Variants in DOCK9 observed in about 807,000 individuals in gnomAD.
DOCK9 encodes dedicator of cytokinesis protein 9.
In DOCK9, 89 loss-of-function variants were observed where a neutral mutation model predicts 263.3. The observed-to-expected ratio is 0.34, with a 90% CI of 0.28 to 0.40. The LOEUF is 0.40. Among genes scored for constraint, DOCK9 ranks in the 10% least tolerant of loss-of-function variants. The pLI is 1.00. For missense variants in DOCK9, 2,140 were observed against 2,603.4 expected (o/e 0.82, Z 3.87); for synonymous variants, 976 against 973.1 (o/e 1.00, Z -0.06).
chr13:98,864,690 G>A (rs1390551973), intron 30 of DOCK9, among the ~76,000 whole-genome samples: 1 of 152,190 alleles, frequency 6.6e-6, no homozygotes, highest in Non-Finnish European at 1.5e-5. Flanking sequence ...GTGTATGAAT[G>A]TGCATGAGAA....
intron 1 of DOCK9, among the ~76,000 whole-genome samples, chr13:99,009,238 A>G (rs890391712): frequency 2.0e-5 from 3 of 152,234 alleles, no homozygotes; most frequent in African/African-American, 7.2e-5. Context: ...GCCACAATAG[A>G]GCAGGGCAAT....
chr13:98,982,220 G>A (rs549067662), upstream of DOCK9, among the ~76,000 whole-genome samples: 1 of 152,220 alleles, frequency 6.6e-6, no homozygotes, highest in African/African-American at 2.4e-5. Context: ...AAACCTCACA[G>A]GAAATTTAAG....
At chr13:98,856,103 AG>A in intron 33 of DOCK9, 72 bp from the exon 34 acceptor site, 1 of 1,511,098 alleles carries the variant, frequency 6.6e-7, no homozygotes, top group Non-Finnish European at 9.0e-7. Context: ...CTGAACTTTA[AG>A]GGAAATTGCT....
chr13:98,929,900 G>A (rs999141015), intron 3 of DOCK9, among the ~76,000 whole-genome samples: 1 of 152,196 alleles, frequency 6.6e-6, no homozygotes, highest in Non-Finnish European at 1.5e-5. Context: ...GATAAATTCT[G>A]TGGAATTCAC....
intron 23 of DOCK9, 22 bp from the exon 24 acceptor site, chr13:98,882,029 G>A (rs2044856498): frequency 1.3e-6 from 2 of 1,544,072 alleles, no homozygotes; most frequent in East Asian, 4.8e-5. Context: ...GAATGGCACA[G>A]TTCATGTTAT....
chr13:99,078,002 G>A (rs1217195141), intron 1 of DOCK9, among the ~76,000 whole-genome samples: 1 of 152,184 alleles, frequency 6.6e-6, no homozygotes, highest in African/African-American at 2.4e-5. Flanking sequence ...AAACAGAAGA[G>A]ACACAGGAGG....
rs1283199236 is a variant in DOCK9, at chr13:99,001,355, T to TTA, written c.130-45806_130-45805dup. ...GGAAAAGTTGGAAGTGCTATGCCCA[T>TTA]TATATACACAGCTACCAAGTCCTGT... On this transcript the variant is annotated intron_variant, in intron 1 of 32. Transcript: ENST00000427887. Among the ~76,000 whole-genome samples, 7 of 152,318 alleles carry TTA rather than the reference T, an allele frequency of 4.6e-5. No individual in the cohort carries two copies. In the East Asian group the frequency reaches 1.3e-3, roughly 29 times the overall value.
chr13:99,016,962 C>T (rs942847095), intron 1 of DOCK9, among the ~76,000 whole-genome samples: 12 of 152,264 alleles, frequency 7.9e-5, no homozygotes, highest in Admixed American at 2.6e-4. Flanking sequence ...CATCCGGGCA[C>T]GTGATCCCAT....
chr13:98,973,236 A>C (rs577115193), intron 1 of DOCK9, among the ~76,000 whole-genome samples: 41 of 152,332 alleles, frequency 2.7e-4, no homozygotes, highest in African/African-American at 9.1e-4. Context: ...AATTAACTCA[A>C]TCACAGTCAC....
intron 39 of DOCK9, chr13:98,833,222 A>G (rs9554532): frequency 1.4e-5 from 2 of 146,652 alleles, no homozygotes; most frequent in African/African-American, 5.0e-5. Context: ...AAAAAAAAAA[A>G]GATTTCCAGT....
chr13:99,013,277 T>TTTGTTG (rs563336883), intron 1 of DOCK9, among the ~76,000 whole-genome samples: 3 of 151,942 alleles, frequency 2.0e-5, no homozygotes, highest in Non-Finnish European at 4.4e-5. Flanking sequence ...GGCTGATTAT[T>TTTGTTG]TTGTTGTTGT....
At chr13:98,999,288 G>GCACACACACACACACACA (rs1412789503) in intron 1 of DOCK9, among the ~76,000 whole-genome samples, 3 of 137,592 alleles carry the variant, frequency 2.2e-5, no homozygotes, top group African/African-American at 5.7e-5. Flanking sequence ...ACGCATGCAC[G>GCACACACACACACACACA]CGCACACACA....
At chr13:98,909,140 C>G (rs1309557369) in intron 9 of DOCK9, among the ~76,000 whole-genome samples, 1 of 152,168 alleles carries the variant, frequency 6.6e-6, no homozygotes, top group Non-Finnish European at 1.5e-5. Context: ...AAAATGGAGA[C>G]AGAAAATGCA....
intron 2 of DOCK9, among the ~76,000 whole-genome samples, chr13:98,932,175 T>C (rs2054059041): frequency 6.6e-6 from 1 of 152,066 alleles, no homozygotes; most frequent in South Asian, 2.1e-4. Context: ...GGTGGATAAC[T>C]TGAGGTCAGG....
chr13:98,889,700 CTCTA>C (rs1209016409), intron 15 of DOCK9, among the ~76,000 whole-genome samples: 2 of 152,084 alleles, frequency 1.3e-5, no homozygotes, highest in African/African-American at 4.8e-5. Flanking sequence ...AGCGATGTTC[CTCTA>C]TCTTTCAACC....
intron 3 of DOCK9, 133 bp from the exon 4 acceptor site, chr13:98,926,052 C>A: frequency 1.7e-6 from 1 of 576,750 alleles, no homozygotes; most frequent in Non-Finnish European, 3.0e-6. Context: ...CGAGCTAATG[C>A]CTGAAATTCC....
intron 1 of DOCK9, among the ~76,000 whole-genome samples, chr13:99,066,566 A>G (rs1388421512): frequency 1.3e-5 from 2 of 152,196 alleles, no homozygotes; most frequent in Non-Finnish European, 2.9e-5. Context: ...CAAGCTTAAC[A>G]TGGCTTCTGG....
At chr13:99,011,356 T>C (rs531615977) in intron 1 of DOCK9, among the ~76,000 whole-genome samples, 21 of 152,316 alleles carry the variant, frequency 1.4e-4, no homozygotes, top group African/African-American at 4.8e-4. Context: ...AAGGGCAATA[T>C]AAAAGTCATT....
In DOCK9 at chr13:98,881,713, G is replaced by A. The variant is rs534610473; in HGVS notation, c.2676-86C>T. The A allele has an allele frequency of 1.0e-5, 14 of 1,377,772 alleles. No individual in the cohort carries two copies. In the African/African-American group the frequency reaches 1.7e-4, roughly 17 times the overall value. The allele number at this position is 1,377,772 out of a possible 1,614,324, so 85.3% of individuals were successfully genotyped here. ...ATCACAGCAGTAGTAGAACAATGATGATGCTATCAGCACTTAGGAAACAAG... is the reference window on the plus strand; with the variant it reads ...ATCACAGCAGTAGTAGAACAATGATAATGCTATCAGCACTTAGGAAACAAG... On this transcript the variant is annotated intron_variant, in intron 24 of 52. Transcript: ENST00000682017.
Sources: allele counts gnomAD v4.1 joint callset (sites outside exome capture counted in the v4.1 genomes callset), GRCh38; gene constraint gnomAD v4.1.1; transcripts MANE v1.5; gene names NCBI Gene and HGNC (gene_info 2026-07-23, HGNC 2026-07-21).